The following ARHGAP24 variants were observed in gnomAD, a reference collection of about 807,000 sequenced individuals.
ARHGAP24 encodes the protein Rho GTPase activating protein 24, also known as rho GTPase-activating protein 24.
ARHGAP24 carries 50 observed loss-of-function variants against 76.4 expected under a neutral mutation model. The ratio of observed to expected loss-of-function variants is 0.65; its 90% CI spans 0.52 to 0.83. The LOEUF (loss-of-function observed/expected upper bound fraction) is 0.83. Among genes scored for constraint, ARHGAP24 ranks in the 40% least tolerant of loss-of-function variants. ARHGAP24 has a pLI of 0.00. For synonymous variants in ARHGAP24, 345 were observed against 323.3 expected, an observed-to-expected ratio of 1.07 and a Z score of -0.72; for missense variants, 930 against 914.2, an observed-to-expected ratio of 1.02 and a Z score of -0.22.
intron 3 of ARHGAP24, among the ~76,000 whole-genome samples, chr4:85,899,761 AT>A (rs1288029885): frequency 1.3e-5 from 2 of 152,222 alleles, no homozygotes; most frequent in Non-Finnish European, 2.9e-5. Flanking sequence ...TTTAAAAGTA[AT>A]TCAGGCTGAG....
At chr4:85,690,737 A>G (rs545555303) in intron 2 of ARHGAP24, among the ~76,000 whole-genome samples, 2 of 138,484 alleles carry the variant, frequency 1.4e-5, no homozygotes, top group South Asian at 2.3e-4. Flanking sequence ...CTCTTAATCT[A>G]GCCAGTGATC....
intron 3 of ARHGAP24, among the ~76,000 whole-genome samples, chr4:85,807,817 C>T (rs959958208): frequency 1.3e-4 from 20 of 152,090 alleles, no homozygotes; most frequent in African/African-American, 4.6e-4. Context: ...TTTCAAGCAC[C>T]GCTATTCCAA....
At chr4:85,894,566 T>C (rs1174680141) in intron 3 of ARHGAP24, among the ~76,000 whole-genome samples, 2 of 152,158 alleles carry the variant, frequency 1.3e-5, no homozygotes, top group Admixed American at 6.5e-5. Flanking sequence ...CTAAGCAAAG[T>C]TGAATCACTA....
chr4:85,666,598 G>T (rs1722629210), intron 2 of ARHGAP24, among the ~76,000 whole-genome samples: 1 of 152,092 alleles, frequency 6.6e-6, no homozygotes, highest in South Asian at 2.1e-4. Context: ...CAGTTTTTCT[G>T]CTCAGTTTTT....
In ARHGAP24 at chr4:85,557,651, A is replaced by G. The variant is rs1406862219; in HGVS notation, c.-20-12871A>G. Among the ~76,000 whole-genome samples the G allele has an allele frequency of 4.8e-5, 4 of 83,338 alleles. No homozygotes were observed. The South Asian group carries it at 2.8e-3, about 59-fold the overall frequency. The allele number at this position is 83,338 out of a possible 152,430, so 54.7% of individuals were successfully genotyped here. A position where few individuals can be genotyped will look rare whatever the true frequency, so the allele number is the denominator to read the frequency against. ...ACCTGGATGTTCCGGTTGAAGAGCTAGTGTCAACCCACCACTCTTTATTCT... is the reference window on the plus strand; with the variant it reads ...ACCTGGATGTTCCGGTTGAAGAGCTGGTGTCAACCCACCACTCTTTATTCT... On this transcript the variant is annotated intron_variant, in intron 1 of 9. Transcript: ENST00000395184.
intron 5 of ARHGAP24, among the ~76,000 whole-genome samples, chr4:85,958,832 C>T (rs894427406): frequency 5.9e-5 from 9 of 152,184 alleles, no homozygotes; most frequent in African/African-American, 2.2e-4. Context: ...CTCAGCTCCT[C>T]TTCCTTCCCA....
intron 2 of ARHGAP24, among the ~76,000 whole-genome samples, chr4:85,679,953 A>G (rs1357650908): frequency 6.6e-6 from 1 of 152,222 alleles, no homozygotes; most frequent in African/African-American, 2.4e-5. Flanking sequence ...ACTTTCTATC[A>G]TATTTTTAGT....
Position 85,835,681 on chromosome 4 carries a change from TTTTG to T in ARHGAP24, c.269-87951_269-87948del, listed in dbSNP as rs550847702. Among the ~76,000 whole-genome samples the T allele has an allele frequency of 8.4e-3, 1,277 of 151,922 alleles. 13 individuals are homozygous for T. Among genetic ancestry groups the T allele is most frequent in the African/African-American group, 0.029 (1,222 of 41,466 alleles). ...CGATAGAATGTGATAACGATTTGTA[TTTTG>T]TTTGTTTGTTTGTTTTTTGAGATGG... On this transcript the variant is annotated intron_variant, in intron 3 of 9. Transcript: ENST00000395184.
At chr4:85,635,159 T>G (rs1721276768) in intron 2 of ARHGAP24, among the ~76,000 whole-genome samples, 1 of 151,892 alleles carries the variant, frequency 6.6e-6, no homozygotes, top group Non-Finnish European at 1.5e-5. Flanking sequence ...CAGTTCTTCT[T>G]CTCTTTCTGC....
At chr4:85,877,389 C>T (rs1732996782) in intron 3 of ARHGAP24, among the ~76,000 whole-genome samples, 1 of 152,256 alleles carries the variant, frequency 6.6e-6, no homozygotes, top group African/African-American at 2.4e-5. Context: ...CTTTGGGAGG[C>T]CCAGGCAAGT....
At chr4:85,531,241 CATT>C (rs1281863716) in intron 1 of ARHGAP24, among the ~76,000 whole-genome samples, 1 of 151,992 alleles carries the variant, frequency 6.6e-6, no homozygotes, top group Non-Finnish European at 1.5e-5. Flanking sequence ...TGGGAGAGGA[CATT>C]ATTGTTGCCA....
Position 85,672,162 on chromosome 4 carries a change from T to G in ARHGAP24, c.181-49723T>G, listed in dbSNP as rs188236845. 1.6e-4 allele frequency among the ~76,000 whole-genome samples: 25 copies of G among 152,260 alleles called. No homozygotes were observed. In the East Asian group the frequency reaches 4.2e-3, roughly 26 times the overall value. Reference sequence around the variant, plus strand: ...ATATGGATTAAATTTCTCTTAAAAATACTTAGCCCTGTACATAAAGAAAAA... The same window carrying G: ...ATATGGATTAAATTTCTCTTAAAAAGACTTAGCCCTGTACATAAAGAAAAA... On this transcript the variant is annotated intron_variant, in intron 2 of 9. Coordinates refer to ENST00000395184, the MANE Select transcript of ARHGAP24 (RefSeq NM_001025616.3).
chr4:85,484,614 G>C (rs924731991), intron 1 of ARHGAP24, among the ~76,000 whole-genome samples: 9 of 152,060 alleles, frequency 5.9e-5, no homozygotes, highest in African/African-American at 2.2e-4. Flanking sequence ...GTTATTTACT[G>C]TTTTTGTTTA....
In ARHGAP24 at chr4:86,000,779, G is replaced by T. The variant is rs1036626095; in HGVS notation, c.*57G>T. 3.1e-6 allele frequency: 5 copies of T among 1,610,416 alleles called. No individual in the cohort carries two copies. Among genetic ancestry groups the T allele is most frequent in the Non-Finnish European group, 2.5e-6 (3 of 1,178,158 alleles). ...TGGCAAGGACTCCAGGGATTCTGGT[G>T]GGATATGACTTAGAACCAGGTGGCT... On this transcript the variant is annotated 3_prime_UTR_variant, in exon 10 of 10. Coordinates refer to ENST00000395184, the MANE Select transcript of ARHGAP24 (RefSeq NM_001025616.3).
At chr4:85,758,860 C>T (rs561732221) in intron 3 of ARHGAP24, among the ~76,000 whole-genome samples, 1 of 152,172 alleles carries the variant, frequency 6.6e-6, no homozygotes, top group Admixed American at 6.5e-5. Context: ...CGTAAATCAC[C>T]CCAGGACCGT....
At chr4:85,542,820 T>C (rs1265307569) in intron 1 of ARHGAP24, among the ~76,000 whole-genome samples, 1 of 152,230 alleles carries the variant, frequency 6.6e-6, no homozygotes, top group Non-Finnish European at 1.5e-5. Context: ...TGAATTCTGG[T>C]TCTATTCTTT....
intron 3 of ARHGAP24, among the ~76,000 whole-genome samples, chr4:85,745,804 TG>T (rs1481176373): frequency 6.6e-6 from 1 of 152,106 alleles, no homozygotes; most frequent in Non-Finnish European, 1.5e-5. Flanking sequence ...TGGAGAAGTT[TG>T]TTGGAGGGAA....
intron 2 of ARHGAP24, among the ~76,000 whole-genome samples, chr4:85,720,677 A>G (rs1046804260): frequency 6.6e-6 from 1 of 152,230 alleles, no homozygotes; most frequent in East Asian, 1.9e-4. Flanking sequence ...AGAGAGTACT[A>G]GAGTCAGAAG....
intron 1 of ARHGAP24, among the ~76,000 whole-genome samples, chr4:85,494,474 C>G (rs1227623679): frequency 6.6e-6 from 1 of 151,834 alleles, no homozygotes; most frequent in Non-Finnish European, 1.5e-5. Flanking sequence ...AACACGAGGT[C>G]AAGAGATCGA....
Sources: allele counts gnomAD v4.1 joint callset (sites outside exome capture counted in the v4.1 genomes callset), GRCh38; gene constraint gnomAD v4.1.1; transcripts MANE v1.5; gene names NCBI Gene and HGNC (gene_info 2026-07-23, HGNC 2026-07-21).